CTPS2: variants seen among roughly 807,000 people sequenced by gnomAD.
CTPS2 encodes the protein CTP synthase II.
In CTPS2, 19 loss-of-function variants were observed where a neutral mutation model predicts 46.8. That is an observed-to-expected ratio of 0.41 (90% confidence interval 0.28 to 0.60). CTPS2 has a LOEUF of 0.60. Among genes scored for constraint, CTPS2 ranks in the 20% least tolerant of loss-of-function variants. The pLI is 0.35. For missense variants in CTPS2, 286 were observed against 447.6 expected (o/e 0.64, Z 3.26); for synonymous variants, 151 against 165.2 (o/e 0.91, Z 0.66).
intron 2 of CTPS2, 27 bp downstream of exon 2, chrX:16,702,709 AT>A: frequency 8.4e-7 from 1 of 1,189,475 alleles, no homozygotes; most frequent in Non-Finnish European, 1.1e-6. Flanking sequence ...GCCTAGTGCT[AT>A]AAGGGGGAAG....
chrX:16,638,670 G>T, intron 14 of CTPS2: 1 of 193,999 alleles, frequency 5.2e-6, no homozygotes. Flanking sequence ...GGGGCTGCCA[G>T]GGAACAGAGA....
At chrX:16,608,968 G>A (rs1466417568) in intron 17 of CTPS2, among the ~76,000 whole-genome samples, 2 of 111,640 alleles carry the variant, frequency 1.8e-5, no homozygotes, top group Non-Finnish European at 3.8e-5. Context: ...AAGGAAAGAT[G>A]TTAGGCATGA....
At chrX:16,654,143 AAAC>A (rs1475649237) in intron 13 of CTPS2, among the ~76,000 whole-genome samples, 1 of 112,607 alleles carries the variant, frequency 8.9e-6, no homozygotes, top group African/African-American at 3.2e-5. Flanking sequence ...TCGCATAAGA[AAAC>A]AACTGTATTA....
In CTPS2 at chrX:16,610,188, T is replaced by C. The variant is rs183486327; in HGVS notation, c.1547-503A>G. On this transcript the variant is annotated intron_variant, in intron 16 of 18. Coordinates refer to ENST00000359276, the MANE Select transcript of CTPS2 (RefSeq NM_175859.3). The stretch of plus-strand genomic sequence containing the variant: ...TTGCTTTTCTAGTCACAGCTTTAAG[T>C]TGGGTATTACTCATAGCACCACAAA... Among the ~76,000 whole-genome samples the C allele has an allele frequency of 2.7e-5, 3 of 111,623 alleles. No homozygotes were observed. The East Asian group carries it at 8.4e-4, about 31-fold the overall frequency.
intron 13 of CTPS2, among the ~76,000 whole-genome samples, chrX:16,657,671 A>G (rs928309707): frequency 2.6e-4 from 29 of 112,087 alleles, no homozygotes; most frequent in African/African-American, 9.4e-4. Context: ...CCTATCAAAA[A>G]GAATAAGTGA....
At chrX:16,602,916 T>C (rs1202117463) in intron 17 of CTPS2, among the ~76,000 whole-genome samples, 1 of 111,900 alleles carries the variant, frequency 8.9e-6, no homozygotes, top group East Asian at 2.8e-4. Flanking sequence ...TTCTTTTTGA[T>C]GTTCAAATTG....
chrX:16,691,710 T>C (rs1357012884), intron 6 of CTPS2, 90 bp from the exon 7 acceptor site: 1 of 727,490 alleles, frequency 1.4e-6, no homozygotes, highest in Non-Finnish European at 2.2e-6. Flanking sequence ...TGGCCAAGTA[T>C]GTACTTGTTC....
At chrX:16,619,758 G>A (rs1050185887) in intron 15 of CTPS2, among the ~76,000 whole-genome samples, 2 of 111,781 alleles carry the variant, frequency 1.8e-5, no homozygotes, top group Non-Finnish European at 3.8e-5. Context: ...TGTTTCTCAT[G>A]TGGCAACCTC....
intron 13 of CTPS2, among the ~76,000 whole-genome samples, chrX:16,645,613 A>G (rs1023353207): frequency 1.8e-5 from 2 of 112,328 alleles, no homozygotes; most frequent in East Asian, 5.5e-4. Flanking sequence ...GAGCAGTCCC[A>G]TAAGTACGTA....
chrX:16,703,026 T>A, intron 1 of CTPS2, 85 bp from the exon 2 acceptor site: 2 of 580,271 alleles, frequency 3.4e-6, no homozygotes, highest in African/African-American at 4.7e-5. Flanking sequence ...GAATTAATTT[T>A]TTTTTTTTTT....
intron 13 of CTPS2, among the ~76,000 whole-genome samples, chrX:16,649,378 C>T (rs1932487937): frequency 1.8e-5 from 2 of 112,569 alleles, no homozygotes; most frequent in South Asian, 3.6e-4. Context: ...GCAATACTTC[C>T]ATTCATTCAT....
intron 1 of CTPS2, among the ~76,000 whole-genome samples, chrX:16,707,414 T>C (rs757974992): frequency 7.1e-5 from 8 of 112,228 alleles, no homozygotes; most frequent in Non-Finnish European, 1.1e-4. Flanking sequence ...CTCACATCTG[T>C]AATCCCAACA....
chrX:16,675,775 G>A (rs187767599), intron 10 of CTPS2, among the ~76,000 whole-genome samples: 1 of 111,978 alleles, frequency 8.9e-6, no homozygotes, highest in African/African-American at 3.2e-5. Flanking sequence ...TGATAACTTT[G>A]GAGATTGTGA....
intron 13 of CTPS2, among the ~76,000 whole-genome samples, chrX:16,640,960 G>A (rs1932050267): frequency 8.9e-6 from 1 of 111,918 alleles, no homozygotes; most frequent in Non-Finnish European, 1.9e-5. Context: ...GGAAAGGGTG[G>A]AGAAGAAACT....
chrX:16,635,501 C>T (rs960489063), intron 14 of CTPS2, among the ~76,000 whole-genome samples: 1 of 110,571 alleles, frequency 9.0e-6, no homozygotes, highest in African/African-American at 3.3e-5. Flanking sequence ...GGAGAAACCC[C>T]GTCTCTACTA....
chrX:16,592,752 T>G (rs950940957), intron 17 of CTPS2, among the ~76,000 whole-genome samples: 1 of 112,273 alleles, frequency 8.9e-6, no homozygotes, highest in Non-Finnish European at 1.9e-5. Flanking sequence ...GCGTGAAAGT[T>G]TTCCCTTCCA....
chrX:16,706,013 A>G (rs1207355446), intron 1 of CTPS2, among the ~76,000 whole-genome samples: 4 of 108,821 alleles, frequency 3.7e-5, no homozygotes, highest in African/African-American at 1.0e-4. Flanking sequence ...AGGCAGGAGA[A>G]TGGCTTGAAC....
intron 1 of CTPS2, among the ~76,000 whole-genome samples, chrX:16,706,748 G>C (rs11094713): frequency 0.55 from 60,193 of 108,770 alleles, 13,779 homozygotes; most frequent in African/African-American, 0.86. Flanking sequence ...GTAATCCCAG[G>C]TACTCAGGAG....
chrX:16,691,854 G>A (rs750393322), intron 6 of CTPS2, among the ~76,000 whole-genome samples: 2 of 112,158 alleles, frequency 1.8e-5, no homozygotes, highest in Non-Finnish European at 3.8e-5. Context: ...AGGCTCACAA[G>A]TGTTGCTTCA....
Sources: gnomAD v4.1 joint callset for allele counts (sites outside exome capture counted in the v4.1 genomes callset) on GRCh38, gnomAD v4.1.1 for gene constraint, MANE v1.5 for transcripts, NCBI Gene and HGNC (gene_info 2026-07-23, HGNC 2026-07-21) for gene names.